The following EXPH5 variants were observed in gnomAD, a reference collection of about 807,000 sequenced individuals.
EXPH5 encodes exophilin 5.
EXPH5 carries 42 observed loss-of-function variants against 41.1 expected under a neutral mutation model. The ratio of observed to expected loss-of-function variants is 1.02; its 90% confidence interval spans 0.80 to 1.32. The LOEUF is 1.32. Among genes scored for constraint, EXPH5 ranks in the 40% most tolerant of loss-of-function variants. The probability of loss-of-function intolerance (pLI) is 0.00; values close to 1 mark genes in which losing one functional copy is unlikely to be tolerated. For missense variants in EXPH5, 2,298 were observed against 2,314.5 expected (o/e 0.99, Z 0.15); for synonymous variants, 798 against 833.5 (o/e 0.96, Z 0.73).
intron 1 of EXPH5, among the ~76,000 whole-genome samples, chr11:108,563,215 C>A (rs2094020430): frequency 6.6e-6 from 1 of 152,154 alleles, no homozygotes; most frequent in South Asian, 2.1e-4. Context: ...CTGGTATCTG[C>A]CTCCTGCCTG....
rs777001472 is a variant in EXPH5 at position 108,539,115 on chromosome 11, G to A, written c.352C>T (p.Arg118Trp). ...GCAAATGACGATCTGAAGCTCATCC[G>A]GGAAGAAAAAGGTGTCGGCTTTTTT... ...NQKKPTPFSS[R>W]MSFRSSFASL... The change falls in exon 3 of 6, where the codon CGG becomes TGG. Residue 118 changes from arginine (R) to tryptophan (W), a missense_variant. Coordinates refer to ENST00000265843, the MANE Select transcript of EXPH5 (RefSeq NM_015065.3). The A allele has an allele frequency of 1.8e-5, 29 of 1,611,266 alleles. No homozygotes were observed. The highest frequency in any genetic ancestry group is 3.3e-4 in the Middle Eastern group (2 of 6,046).
intron 5 of EXPH5, among the ~76,000 whole-genome samples, chr11:108,516,630 A>G (rs2093728523): frequency 6.6e-6 from 1 of 152,250 alleles, no homozygotes; most frequent in Non-Finnish European, 1.5e-5. Flanking sequence ...CATGCCAATT[A>G]AGTTAGGGCA....
At chr11:108,544,168 C>T (rs190081566) in intron 1 of EXPH5, among the ~76,000 whole-genome samples, 3 of 152,106 alleles carry the variant, frequency 2.0e-5, no homozygotes, top group African/African-American at 4.8e-5. Flanking sequence ...AATATTAACT[C>T]TCTTTTTACA....
At chr11:108,525,479 C>A (rs1374166077) in intron 4 of EXPH5, among the ~76,000 whole-genome samples, 2 of 152,140 alleles carry the variant, frequency 1.3e-5, no homozygotes, top group Non-Finnish European at 1.5e-5. Flanking sequence ...TGAGAGAAAC[C>A]CTGGGCTAGA....
At chr11:108,583,937 A>G (rs78388748) in intron 1 of EXPH5, among the ~76,000 whole-genome samples, 15,042 of 152,236 alleles carry the variant, frequency 0.099, 982 homozygotes, top group Non-Finnish European at 0.15. Flanking sequence ...GCCCCCCTCA[A>G]AAAAGAACAT....
intron 1 of EXPH5, among the ~76,000 whole-genome samples, chr11:108,543,832 CT>C (rs1345373362): frequency 6.6e-6 from 1 of 152,168 alleles, no homozygotes; most frequent in Admixed American, 6.5e-5. Flanking sequence ...TTGGTGCCTC[CT>C]TTTTTGCCAT....
At chr11:108,547,872 G>A (rs1316080719) in intron 1 of EXPH5, among the ~76,000 whole-genome samples, 1 of 152,048 alleles carries the variant, frequency 6.6e-6, no homozygotes, top group Non-Finnish European at 1.5e-5. Flanking sequence ...CACTTTGGGA[G>A]GCCAAGGCAG....
intron 1 of EXPH5, among the ~76,000 whole-genome samples, chr11:108,563,547 C>T (rs535070877): frequency 5.3e-5 from 8 of 152,272 alleles, no homozygotes; most frequent in South Asian, 4.1e-4. Context: ...TGCCGGGCCA[C>T]GGGCCATCTC....
Position 108,513,792 on chromosome 11 carries a change from T to A in EXPH5, c.1715A>T (p.Gln572Leu). The change falls in exon 6 of 6, where the codon CAG (glutamine) becomes CTG (leucine). Residue 572 changes from glutamine to leucine, a missense_variant. Coordinates refer to ENST00000265843, the MANE Select transcript of EXPH5 (RefSeq NM_015065.3). ...SMVVSHGNET[Q>L]LTPHFGTPNV... is the part of the protein sequence containing the mutation. ...TGGTGTGCCAAAATGAGGAGTCAAC[T>A]GGGTCTCATTACCATGTGATACCAC... The A allele has an allele frequency of 2.5e-6, 4 of 1,600,704 alleles. No individual in the cohort carries two copies. Among genetic ancestry groups the A allele is most frequent in the Non-Finnish European group, 3.4e-6 (4 of 1,174,740 alleles).
chr11:108,565,832 C>A (rs1355275190), intron 1 of EXPH5, among the ~76,000 whole-genome samples: 1 of 152,232 alleles, frequency 6.6e-6, no homozygotes, highest in African/African-American at 2.4e-5. Flanking sequence ...GGGTGCCAAC[C>A]ATTCCAAGCA....
chr11:108,592,554 A>C (rs979099766), intron 1 of EXPH5, among the ~76,000 whole-genome samples: 1 of 152,238 alleles, frequency 6.6e-6, no homozygotes. Context: ...TTAGATGGAT[A>C]TATTCCAATA....
At chr11:108,584,766 A>G (rs1301304214) in intron 1 of EXPH5, among the ~76,000 whole-genome samples, 1 of 152,254 alleles carries the variant, frequency 6.6e-6, no homozygotes, top group Non-Finnish European at 1.5e-5. Context: ...TTATTTCAAA[A>G]TGCATCAGTG....
intron 1 of EXPH5, among the ~76,000 whole-genome samples, chr11:108,575,688 C>T (rs904762801): frequency 5.3e-5 from 8 of 152,024 alleles, no homozygotes; most frequent in African/African-American, 1.2e-4. Context: ...GTAATGTGGG[C>T]GAAGGCTGGG....
At chr11:108,519,471 G>A (rs373623654) in intron 4 of EXPH5, among the ~76,000 whole-genome samples, 9 of 152,142 alleles carry the variant, frequency 5.9e-5, no homozygotes, top group East Asian at 3.9e-4. Flanking sequence ...ACTTGGCCGC[G>A]TGCAGTGGCG....
intron 1 of EXPH5, among the ~76,000 whole-genome samples, chr11:108,590,056 A>G (rs891732636): frequency 3.2e-4 from 49 of 152,184 alleles, no homozygotes; most frequent in African/African-American, 1.1e-3. Context: ...CTCCACCTTA[A>G]TCTCCTACTA....
intron 1 of EXPH5, among the ~76,000 whole-genome samples, chr11:108,545,143 G>T (rs1475832298): frequency 1.3e-5 from 2 of 152,140 alleles, no homozygotes; most frequent in Non-Finnish European, 2.9e-5. Flanking sequence ...GCTGGGCATG[G>T]TGGCTCACAC....
chr11:108,535,710 C>T (rs571696906), intron 3 of EXPH5, among the ~76,000 whole-genome samples: 41 of 152,276 alleles, frequency 2.7e-4, no homozygotes, highest in African/African-American at 9.1e-4. Context: ...CTGTCTGAGC[C>T]GTGTACGACC....
intron 1 of EXPH5, among the ~76,000 whole-genome samples, chr11:108,559,019 A>G (rs1290608728): frequency 1.3e-5 from 2 of 152,154 alleles, no homozygotes; most frequent in Non-Finnish European, 2.9e-5. Flanking sequence ...CCCTCACCCC[A>G]CCAGCATGAT....
rs142522574 is a variant in EXPH5 at position 108,571,789 on chromosome 11, G to T, written c.119+21629C>A. On this transcript the variant is annotated intron_variant, in intron 1 of 5. Coordinates refer to ENST00000265843, the MANE Select transcript of EXPH5 (RefSeq NM_015065.3). Reference sequence around the variant, plus strand: ...AAATAGTCATTGAACAGGCTGGGGCGGTGGCTCACGCTTGTAATCCCAGCA... The same window carrying T: ...AAATAGTCATTGAACAGGCTGGGGCTGTGGCTCACGCTTGTAATCCCAGCA... Among the ~76,000 whole-genome samples the T allele has an allele frequency of 8.3e-3, 1,269 of 152,072 alleles. 19 individuals are homozygous for T. The highest frequency in any genetic ancestry group is 0.029 in the African/African-American group (1,192 of 41,386).
Sources: gnomAD v4.1 joint callset for allele counts (sites outside exome capture counted in the v4.1 genomes callset) on GRCh38, gnomAD v4.1.1 for gene constraint, MANE v1.5 for transcripts, NCBI Gene and HGNC (gene_info 2026-07-23, HGNC 2026-07-21) for gene names.